The following SLC6A20 variants were observed in gnomAD, a reference collection of about 807,000 sequenced individuals.
SLC6A20 encodes solute carrier family 6 member 20, also known as sodium- and chloride-dependent transporter XTRP3.
SLC6A20 carries 73 observed loss-of-function variants against 64.3 expected under a neutral mutation model. That is an observed-to-expected ratio of 1.14 (90% CI 0.94 to 1.38). SLC6A20 has a LOEUF of 1.38. Among genes scored for constraint, SLC6A20 ranks in the 40% most tolerant of loss-of-function variants. SLC6A20 has a pLI of 0.00. For missense variants in SLC6A20, 725 were observed against 772.8 expected, an observed-to-expected ratio of 0.94 and a Z score of 0.73; for synonymous variants, 347 against 329.6, an observed-to-expected ratio of 1.05 and a Z score of -0.57.
At chr3:45,766,356 T>A (rs1255617716) in intron 7 of SLC6A20, among the ~76,000 whole-genome samples, 2 of 152,142 alleles carry the variant, frequency 1.3e-5, no homozygotes, top group Non-Finnish European at 2.9e-5. Context: ...CCTCCCTGGG[T>A]AGAAGCCCCC....
At chr3:45,773,767 A>ACGC (rs1478325634) in intron 4 of SLC6A20, among the ~76,000 whole-genome samples, 4 of 152,178 alleles carry the variant, frequency 2.6e-5, no homozygotes, top group African/African-American at 9.7e-5. Context: ...GGCACTCTGT[A>ACGC]CGCTGTCACC....
rs1013109632 is a variant in SLC6A20 at position 45,756,609 on chromosome 3, A to G, written c.*2369T>C. The G allele has an allele frequency of 6.6e-6, 1 of 152,134 alleles. No individual in the cohort carries two copies. Among genetic ancestry groups the G allele is most frequent in the Non-Finnish European group, 1.5e-5 (1 of 68,038 alleles). The allele number at this position is 152,134 out of a possible 1,614,324, so 9.4% of individuals were successfully genotyped here. On this transcript the variant is annotated 3_prime_UTR_variant, in exon 11 of 11. Coordinates refer to ENST00000358525, the MANE Select transcript of SLC6A20 (RefSeq NM_020208.4). ...TTTTACAGCACAAAAATAAAAAGAC[A>G]TCTCCGGCCAACGTCCCAGGTGAGT...
In SLC6A20 at chr3:45,779,990, C is replaced by T; in HGVS notation, c.354+19G>A. On this transcript the variant is annotated intron_variant, in intron 3 of 10. Transcript: ENST00000358525. ...TTTCTCGCTCCTACTCCTGTTCTGG[C>T]ACGGGCCCCCCGGCTCACCTGGAAG... 1 of 1,584,298 alleles carries T rather than the reference C, an allele frequency of 6.3e-7. No individual in the cohort carries two copies. The highest frequency in any genetic ancestry group is 8.6e-7 in the Non-Finnish European group (1 of 1,164,484).
At chr3:45,780,696 T>G (rs1700067118) in intron 2 of SLC6A20, among the ~76,000 whole-genome samples, 1 of 148,366 alleles carries the variant, frequency 6.7e-6, no homozygotes, top group Admixed American at 6.8e-5. Context: ...CAGAGAGGGG[T>G]GGGAGGCAGC....
rs886058549 is a variant in SLC6A20, at chr3:45,796,518, G to A, written c.-99C>T. The A allele has an allele frequency of 7.9e-7, 1 of 1,266,968 alleles. No homozygotes were observed. The highest frequency in any genetic ancestry group is 1.0e-6 in the Non-Finnish European group (1 of 979,636). The allele number at this position is 1,266,968 out of a possible 1,614,324, so 78.5% of individuals were successfully genotyped here. A position where few individuals can be genotyped will look rare whatever the true frequency, so the allele number is the denominator to read the frequency against. On this transcript the variant is annotated 5_prime_UTR_variant, in exon 1 of 11. Transcript: ENST00000358525. The stretch of plus-strand genomic sequence containing the variant: ...CGCCGTCCCACCCCGGCTCGGCTTG[G>A]GGGTGGCCCCGCGCCTCCGCCGCCG...
chr3:45,796,178 A>G, intron 1 of SLC6A20, 121 bp downstream of exon 1: 1 of 1,483,150 alleles, frequency 6.7e-7, no homozygotes, highest in Non-Finnish European at 9.0e-7. Flanking sequence ...ACTTCGGACA[A>G]ATCACGCTCG....
In SLC6A20 at chr3:45,758,853, T is replaced by C. The variant is rs1228125321; in HGVS notation, c.*125A>G. ...TTTCTTCCTGCACACCTTCCTCATC[T>C]TCTTTAGACACTCAGGAAGTTGATG... On this transcript the variant is annotated 3_prime_UTR_variant, in exon 11 of 11. Transcript: ENST00000358525. 1.4e-6 allele frequency: 2 copies of C among 1,383,648 alleles called. No homozygotes were observed. Among genetic ancestry groups the C allele is most frequent in the Non-Finnish European group, 1.9e-6 (2 of 1,065,170 alleles). 85.7% of individuals were successfully genotyped at this position (1,383,648 alleles called of 1,614,324 possible). A position where few individuals can be genotyped will look rare whatever the true frequency, so the allele number is the denominator to read the frequency against.
At chr3:45,769,188 T>C (rs910692022) in intron 7 of SLC6A20, among the ~76,000 whole-genome samples, 4 of 152,208 alleles carry the variant, frequency 2.6e-5, no homozygotes, top group Non-Finnish European at 5.9e-5. Context: ...TAATGAAAGA[T>C]GTGCCAAGAC....
Position 45,756,250 on chromosome 3 carries a change from TC to T in SLC6A20, c.*2727del, listed in dbSNP as rs1456046336. The T allele has an allele frequency of 6.6e-6, 1 of 152,248 alleles. No homozygotes were observed. The highest frequency in any genetic ancestry group is 1.5e-5 in the Non-Finnish European group (1 of 68,076). The allele number at this position is 152,248 out of a possible 1,614,324, so 9.4% of individuals were successfully genotyped here. ...CTTACGCACCCTGACTGATGACTGA[TC>T]CCAGGTGGCCCTGAGTTGTAAGACG... On this transcript the variant is annotated 3_prime_UTR_variant, in exon 11 of 11. Coordinates refer to ENST00000358525, the MANE Select transcript of SLC6A20 (RefSeq NM_020208.4).
chr3:45,770,476 T>C (rs1699843243), intron 6 of SLC6A20, 105 bp from the exon 7 acceptor site: 3 of 1,361,006 alleles, frequency 2.2e-6, no homozygotes, highest in East Asian at 4.9e-5. Context: ...AAAGGGAGTC[T>C]GTTGCTTGGT....
At chr3:45,792,794 C>T (rs2125659297) in intron 1 of SLC6A20, among the ~76,000 whole-genome samples, 1 of 152,314 alleles carries the variant, frequency 6.6e-6, no homozygotes, top group Middle Eastern at 3.4e-3. Context: ...GGATTTACAT[C>T]AAGGTAATCT....
At chr3:45,784,781 C>T (rs1161778975) in intron 1 of SLC6A20, among the ~76,000 whole-genome samples, 1 of 152,154 alleles carries the variant, frequency 6.6e-6, no homozygotes, top group East Asian at 1.9e-4. Flanking sequence ...TTTATTGGCT[C>T]ATGGTTCTGG....
rs1699531342 is a variant in SLC6A20, at chr3:45,755,874, T to G, written c.*3104A>C. The G allele has an allele frequency of 6.6e-6, 1 of 152,600 alleles. No individual in the cohort carries two copies. The highest frequency in any genetic ancestry group is 1.5e-5 in the Non-Finnish European group (1 of 68,044). 9.5% of individuals were successfully genotyped at this position (152,600 alleles called of 1,614,324 possible). A position where few individuals can be genotyped will look rare whatever the true frequency, so the allele number is the denominator to read the frequency against. ...TTTGAGTTCCATGAGCAAAAACTAT[T>G]CCGTAGAAGTAACTCTTCCATATAA... On this transcript the variant is annotated 3_prime_UTR_variant, in exon 11 of 11. Transcript: ENST00000358525.
chr3:45,781,120 C>T (rs979768421), intron 2 of SLC6A20, among the ~76,000 whole-genome samples: 1 of 151,890 alleles, frequency 6.6e-6, no homozygotes, highest in Non-Finnish European at 1.5e-5. Flanking sequence ...CATCAGGAGG[C>T]TGAGGCAGGA....
chr3:45,785,647 T>TCTCTCTCTCTCTCTCTA, intron 1 of SLC6A20, among the ~76,000 whole-genome samples: 1 of 83,404 alleles, frequency 1.2e-5, no homozygotes, highest in South Asian at 5.2e-4. Context: ...CTCTCTCTCT[T>TCTCTCTCTCTCTCTCTA]CCCCCTATTA....
intron 1 of SLC6A20, among the ~76,000 whole-genome samples, chr3:45,782,561 T>C (rs555812130): frequency 6.6e-6 from 1 of 151,590 alleles, no homozygotes; most frequent in Admixed American, 6.6e-5. Context: ...CCATCCATCC[T>C]TCCTTCCTTC....
chr3:45,782,858 G>A (rs189021769), intron 1 of SLC6A20, among the ~76,000 whole-genome samples: 74 of 152,340 alleles, frequency 4.9e-4, no homozygotes, highest in African/African-American at 1.7e-3. Flanking sequence ...GTCCCAAGCT[G>A]CTTGAATGCC....
intron 10 of SLC6A20, among the ~76,000 whole-genome samples, 164 bp downstream of exon 10, chr3:45,759,693 C>T (rs557052109): frequency 1.4e-4 from 22 of 152,334 alleles, no homozygotes; most frequent in Non-Finnish European, 2.9e-4. Flanking sequence ...AAGCCCAGCT[C>T]CTCCGTGCTG....
At chr3:45,763,651 G>T (rs1375636998) in intron 8 of SLC6A20, among the ~76,000 whole-genome samples, 1 of 152,182 alleles carries the variant, frequency 6.6e-6, no homozygotes, top group East Asian at 1.9e-4. Flanking sequence ...CCCTTTCACA[G>T]ATGGGAAGGC....
Sources: gnomAD v4.1 joint callset for allele counts (sites outside exome capture counted in the v4.1 genomes callset) on GRCh38, gnomAD v4.1.1 for gene constraint, MANE v1.5 for transcripts, NCBI Gene and HGNC (gene_info 2026-07-23, HGNC 2026-07-21) for gene names.